The following GRM8 variants were observed in gnomAD, a reference collection of about 807,000 sequenced individuals.
The protein encoded by GRM8 is glutamate metabotropic receptor 8, also known as metabotropic glutamate receptor 8.
A neutral mutation model predicts 87.2 loss-of-function variants in GRM8; 47 were observed. That is an observed-to-expected ratio of 0.54 (90% CI 0.43 to 0.69). The LOEUF is 0.69. Ranked by LOEUF, GRM8 falls within the 30% of genes least tolerant of loss-of-function variation. GRM8 has a pLI of 0.00. For synonymous variants in GRM8, 396 were observed against 404.5 expected (o/e 0.98, Z 0.25); for missense variants, 1,019 against 1,139.2 (o/e 0.89, Z 1.52).
intron 9 of GRM8, among the ~76,000 whole-genome samples, chr7:126,471,779 G>A (rs1156782059): frequency 1.3e-5 from 2 of 151,732 alleles, no homozygotes; most frequent in Non-Finnish European, 2.9e-5. Context: ...AATTACCTTG[G>A]GCAGTATGGC....
intron 3 of GRM8, among the ~76,000 whole-genome samples, chr7:127,028,058 A>G (rs1211713974): frequency 6.6e-6 from 1 of 152,176 alleles, no homozygotes; most frequent in African/African-American, 2.4e-5. Context: ...AATTTTGTCA[A>G]AGGACTTTTC....
rs1380744229 is a variant in GRM8, at chr7:126,995,959, G to GA, written c.728-91277dup. Among the ~76,000 whole-genome samples, 2 of 151,548 alleles carry GA rather than the reference G, an allele frequency of 1.3e-5. 1 individual carries two copies. The highest frequency in any genetic ancestry group is 4.2e-4 in the South Asian group (2 of 4,780). ...ATAAAGAATCCTAAAAGCAGCAAGA[G>GA]AAAAAAAACACACACACAATAGAAC... On this transcript the variant is annotated intron_variant, in intron 3 of 10. Coordinates refer to ENST00000339582, the MANE Select transcript of GRM8 (RefSeq NM_000845.3).
rs1435864314 is a variant in GRM8, at chr7:126,992,825, G to GTA, written c.728-88143_728-88142insTA. Among the ~76,000 whole-genome samples the GTA allele has an allele frequency of 2.0e-3, 298 of 149,344 alleles. 2 individuals carry two copies. Among genetic ancestry groups the GTA allele is most frequent in the South Asian group, 7.4e-3 (35 of 4,756 alleles). On this transcript the variant is annotated intron_variant, in intron 3 of 10. Coordinates refer to ENST00000339582, the MANE Select transcript of GRM8 (RefSeq NM_000845.3). ...TCTCTCCGTGTGTGTGTGTGTGTGT[G>GTA]TGTATGTGTGTGTGTGTGTGTGTGT...
intron 2 of GRM8, among the ~76,000 whole-genome samples, chr7:127,185,551 G>C (rs1794687387): frequency 6.6e-6 from 1 of 152,028 alleles, no homozygotes; most frequent in African/African-American, 2.4e-5. Flanking sequence ...AGGTCACCTT[G>C]AGTTTGACAA....
chr7:126,765,766 C>T (rs140147440), intron 7 of GRM8, among the ~76,000 whole-genome samples: 1 of 151,996 alleles, frequency 6.6e-6, no homozygotes, highest in Admixed American at 6.6e-5. Flanking sequence ...AAAGGAAAGT[C>T]TTTGTTTCCT....
chr7:126,676,453 C>T (rs1049963631), intron 7 of GRM8, among the ~76,000 whole-genome samples: 3 of 152,160 alleles, frequency 2.0e-5, no homozygotes, highest in African/African-American at 7.2e-5. Flanking sequence ...CCAGAGGAAT[C>T]ACATTACCTG....
chr7:127,223,443 GCACACACACACACACACACACA>G (rs61674303), intron 2 of GRM8, among the ~76,000 whole-genome samples: 8 of 144,040 alleles, frequency 5.6e-5, no homozygotes, highest in East Asian at 2.3e-4. Flanking sequence ...ACACACACAC[GCACACACACACACACACACACA>G]CACACACACA....
At chr7:127,083,889 C>A (rs1166634069) in intron 3 of GRM8, among the ~76,000 whole-genome samples, 1 of 152,088 alleles carries the variant, frequency 6.6e-6, no homozygotes, top group African/African-American at 2.4e-5. Flanking sequence ...TAAGTAACAC[C>A]CCCTCTAGAC....
intron 6 of GRM8, among the ~76,000 whole-genome samples, chr7:126,836,318 C>G (rs967948033): frequency 6.6e-5 from 10 of 152,130 alleles, no homozygotes; most frequent in Admixed American, 2.0e-4. Flanking sequence ...ATAAAGAAAA[C>G]AAAAATTTCC....
chr7:126,839,703 G>T (rs1284903043), intron 6 of GRM8, among the ~76,000 whole-genome samples: 1 of 152,146 alleles, frequency 6.6e-6, no homozygotes, highest in Non-Finnish European at 1.5e-5. Context: ...GTGCATTTTG[G>T]TTTGTCCATT....
chr7:127,123,906 C>T (rs1827220332), intron 2 of GRM8, among the ~76,000 whole-genome samples: 2 of 151,880 alleles, frequency 1.3e-5, no homozygotes, highest in Non-Finnish European at 2.9e-5. Flanking sequence ...CCTTTCGTTA[C>T]AAGAAAAAAT....
At chr7:127,170,108 T>C (rs1379794654) in intron 2 of GRM8, among the ~76,000 whole-genome samples, 1 of 152,190 alleles carries the variant, frequency 6.6e-6, no homozygotes, top group Non-Finnish European at 1.5e-5. Context: ...CTAATGAATC[T>C]GGGCAAAATA....
At chr7:127,174,448 G>C (rs185714368) in intron 2 of GRM8, among the ~76,000 whole-genome samples, 10 of 152,292 alleles carry the variant, frequency 6.6e-5, no homozygotes, top group Admixed American at 6.5e-4. Flanking sequence ...ACCCTCAGGA[G>C]AGCTGACCAA....
chr7:126,668,554 T>C lies in GRM8; in HGVS notation c.1358-59056A>G, dbSNP rs113322842. 8.4e-3 allele frequency among the ~76,000 whole-genome samples: 1,283 copies of C among 152,122 alleles called. 22 individuals are homozygous for C. Among genetic ancestry groups the C allele is most frequent in the African/African-American group, 0.029 (1,211 of 41,510 alleles). ...CCATCCCTGCCAGCACTGGGACGCATGGCCCAAGGGTCCTGCACAGCCACT... is the reference window on the plus strand; with the variant it reads ...CCATCCCTGCCAGCACTGGGACGCACGGCCCAAGGGTCCTGCACAGCCACT... On this transcript the variant is annotated intron_variant, in intron 7 of 10. Transcript: ENST00000339582.
At chr7:126,527,544 G>T (rs1449574844) in intron 9 of GRM8, among the ~76,000 whole-genome samples, 2 of 152,118 alleles carry the variant, frequency 1.3e-5, no homozygotes, top group East Asian at 1.9e-4. Flanking sequence ...CCTCCAGTTT[G>T]ATCTATTCTG....
intron 3 of GRM8, among the ~76,000 whole-genome samples, chr7:127,031,640 G>A (rs1457736141): frequency 6.6e-6 from 1 of 152,070 alleles, no homozygotes; most frequent in Non-Finnish European, 1.5e-5. Flanking sequence ...ATTCTCAAAG[G>A]TATGTTTATG....
chr7:126,818,942 C>T (rs12706747), intron 6 of GRM8, among the ~76,000 whole-genome samples: 57,173 of 151,824 alleles, frequency 0.38, 12,246 homozygotes, highest in Non-Finnish European at 0.48. Context: ...CCTTCCAAAT[C>T]CAATTATTAC....
At chr7:127,072,217 T>C (rs1487470028) in intron 3 of GRM8, among the ~76,000 whole-genome samples, 1 of 152,178 alleles carries the variant, frequency 6.6e-6, no homozygotes, top group East Asian at 1.9e-4. Context: ...TCAGCAAGCA[T>C]TCTCCCTTCA....
intron 2 of GRM8, among the ~76,000 whole-genome samples, chr7:127,108,923 C>T (rs906772012): frequency 6.6e-6 from 1 of 152,134 alleles, no homozygotes; most frequent in African/African-American, 2.4e-5. Flanking sequence ...TAATACACAT[C>T]AGGGTATATG....
Sources: gnomAD v4.1 joint callset for allele counts (sites outside exome capture counted in the v4.1 genomes callset) on GRCh38, gnomAD v4.1.1 for gene constraint, MANE v1.5 for transcripts, NCBI Gene and HGNC (gene_info 2026-07-23, HGNC 2026-07-21) for gene names.